The following VWA1 variants were observed in gnomAD, a reference collection of about 807,000 sequenced individuals.
VWA1 encodes von Willebrand factor A domain-containing protein 1.
In VWA1, 12 loss-of-function variants were observed where a neutral mutation model predicts 14.9. The ratio of observed to expected loss-of-function variants is 0.80; its 90% confidence interval spans 0.52 to 1.30. VWA1 has a LOEUF of 1.30. VWA1 is among the 50% of genes most tolerant of loss of function. VWA1 has a pLI of 0.00. For missense variants in VWA1, 800 were observed against 649.1 expected (o/e 1.23, Z -2.53); for synonymous variants, 368 against 310.7 (o/e 1.18, Z -1.94).
In VWA1 at chr1:1,439,645, A is replaced by T; in HGVS notation, c.1196A>T (p.Tyr399Phe). 1 of 1,325,278 alleles carries T rather than the reference A, an allele frequency of 7.5e-7. No individual in the cohort carries two copies. 82.1% of individuals were successfully genotyped at this position (1,325,278 alleles called of 1,614,324 possible). The change falls in exon 3 of 3, where the codon TAC (tyrosine) becomes TTC (phenylalanine). Residue 399 changes from tyrosine (Y) to phenylalanine (F), a missense_variant. Physicochemically the swap from Tyr to Phe is conservative, Grantham distance 22. Coordinates refer to ENST00000476993, the MANE Select transcript of VWA1 (RefSeq NM_022834.5). ...CAGGGCCTGGCGCCGGGCACCGCCT[A>T]CCTGGTGACCGTGACCGCCGCCTTC... ...TLQGLAPGTA[Y>F]LVTVTAAFRS...
In VWA1 at chr1:1,439,800, G is replaced by C. The variant is rs765052614; in HGVS notation, c.*13G>C. The stretch of plus-strand genomic sequence containing the variant: ...CCGTGAGCCGTAAGCCGGCGTCCCC[G>C]CCCAGCCGAGAGGGCCGGCGCCTAC... On this transcript the variant is annotated 3_prime_UTR_variant, in exon 3 of 3. Coordinates refer to ENST00000476993, the MANE Select transcript of VWA1 (RefSeq NM_022834.5). 10 of 1,068,878 alleles carry C rather than the reference G, an allele frequency of 9.4e-6. No individual in the cohort carries two copies. The South Asian group carries it at 3.8e-4, about 41-fold the overall frequency. 66.2% of individuals were successfully genotyped at this position (1,068,878 alleles called of 1,614,324 possible). A position where few individuals can be genotyped will look rare whatever the true frequency, so the allele number is the denominator to read the frequency against.
chr1:1,435,723 C>G lies in VWA1; in HGVS notation c.-26C>G, dbSNP rs746212210. 4.1e-5 allele frequency: 49 copies of G among 1,195,222 alleles called. No individual in the cohort carries two copies. Among genetic ancestry groups the G allele is most frequent in the South Asian group, 6.8e-5 (3 of 44,110 alleles). The allele number at this position is 1,195,222 out of a possible 1,614,324, so 74.0% of individuals were successfully genotyped here. ...GCGAGCGAGCGAGCGAGCGAGTTGC[C>G]GAGCGCGCCCCGTCCCTCGCGCGCG... is the stretch of plus-strand genomic sequence containing the variant. On this transcript the variant is annotated 5_prime_UTR_variant, in exon 1 of 3. Transcript: ENST00000476993.
rs866478991 is a variant in VWA1, at chr1:1,439,906, G to A, written c.*119G>A. ...TGCAGGCCCGGCCTTTCCCCACGCG[G>A]ACTCCGCGCGACCCCGGCCCTCTCC... On this transcript the variant is annotated 3_prime_UTR_variant, in exon 3 of 3. Coordinates refer to ENST00000476993, the MANE Select transcript of VWA1 (RefSeq NM_022834.5). 9.9e-7 allele frequency: 1 copy of A among 1,007,570 alleles called. No homozygotes were observed. Among genetic ancestry groups the A allele is most frequent in the African/African-American group, 1.7e-5 (1 of 57,404 alleles). 62.4% of individuals were successfully genotyped at this position (1,007,570 alleles called of 1,614,324 possible).
At position 1,439,359 on chromosome 1, in the gene VWA1, G is replaced by C. The variant is rs1197425052; in HGVS notation, c.910G>C (p.Gly304Arg). ...GATCCTGCGGGTGCGCACGCGGCCCGGTGAGGCAGGGCCGGGGGCTTCGGG... is the reference window on the plus strand; with the variant it reads ...GATCCTGCGGGTGCGCACGCGGCCCCGTGAGGCAGGGCCGGGGGCTTCGGG... ...PQILRVRTRP[G>R]EAGPGASGPE... Residue 304 changes from glycine to arginine, a missense_variant, in exon 3 of 3, where the codon GGT becomes CGT. Transcript: ENST00000476993. The C allele has an allele frequency of 6.5e-7, 1 of 1,540,144 alleles. No individual in the cohort carries two copies. The highest frequency in any genetic ancestry group is 1.4e-5 in the African/African-American group (1 of 72,554).
At chr1:1,438,834 G>A in intron 2 of VWA1, among the ~76,000 whole-genome samples, 1 of 152,232 alleles carries the variant, frequency 6.6e-6, no homozygotes, top group East Asian at 1.9e-4. Flanking sequence ...TTGGGGCTAA[G>A]GGAGGCAGGG....
rs867734233 is a variant in VWA1 at position 1,439,463 on chromosome 1, C to T, written c.1014C>T (p.Ile338=). ...CAGAGGAGGCCGGGCCAGAGCGCAT[C>T]GTCATCTCCCACGCCCGGCCGCGCA... is the stretch of plus-strand genomic sequence containing the variant. ...PAPEEAGPER[I]VISHARPRSL... is the part of the protein sequence containing the mutation. Residue 338 remains isoleucine, a synonymous_variant, in exon 3 of 3, where the codon ATC becomes ATT. Coordinates refer to ENST00000476993, the MANE Select transcript of VWA1 (RefSeq NM_022834.5). 9 of 1,425,030 alleles carry T rather than the reference C, an allele frequency of 6.3e-6. No individual in the cohort carries two copies. In the African/African-American group the frequency reaches 9.2e-5, roughly 15 times the overall value. The allele number at this position is 1,425,030 out of a possible 1,614,324, so 88.3% of individuals were successfully genotyped here. A position where few individuals can be genotyped will look rare whatever the true frequency, so the allele number is the denominator to read the frequency against.
intron 1 of VWA1, 127 bp from the exon 2 acceptor site, chr1:1,436,800 A>T (rs1638553670): frequency 1.0e-6 from 1 of 982,902 alleles, no homozygotes; most frequent in Middle Eastern, 3.2e-4. Context: ...TCTTTCCCCC[A>T]ACCTAGGACC....
chr1:1,437,131 CG>C lies in VWA1; in HGVS notation c.281del (p.Gly94ValfsTer49). The C allele has an allele frequency of 6.2e-7, 1 of 1,606,508 alleles. No homozygotes were observed. The highest frequency in any genetic ancestry group is 2.2e-5 in the East Asian group (1 of 44,694). The part of the protein sequence containing the change: ...YTEFPFGQHS[S>X]GEAAQDAVRA... ...GAGTTCCCCTTCGGCCAGCACAGCT[CG>C]GGTGAGGCTGCCCAGGATGCGGTGC... On this transcript the variant is annotated frameshift_variant, in exon 2 of 3. Coordinates refer to ENST00000476993, the MANE Select transcript of VWA1 (RefSeq NM_022834.5). LOFTEE classifies it high-confidence loss of function.
intron 1 of VWA1, 112 bp from the exon 2 acceptor site, chr1:1,436,815 G>T (rs1300658048): frequency 5.2e-6 from 6 of 1,147,172 alleles, no homozygotes; most frequent in Non-Finnish European, 7.4e-6. Flanking sequence ...AGGACCTTTG[G>T]GAGAAGGCAA....
chr1:1,436,759 C>G (rs768557133), intron 1 of VWA1, 168 bp from the exon 2 acceptor site: 3 of 670,590 alleles, frequency 4.5e-6, no homozygotes, highest in Non-Finnish European at 2.5e-6. Context: ...AGTGAAACCC[C>G]CAAAAGTACA....
chr1:1,439,215 G>A lies in VWA1; in HGVS notation c.766G>A (p.Ala256Thr). The change falls in exon 3 of 3, where the codon GCA (alanine) becomes ACA (threonine). Residue 256 changes from alanine (A) to threonine (T), a missense_variant. Coordinates refer to ENST00000476993, the MANE Select transcript of VWA1 (RefSeq NM_022834.5). ...GGTGCCCAGCGCCCAGCCGGGGGCT[G>A]CAAGACGCCAGCAGCTGCCAGGGAA... ...ELVPSAQPGA[A>T]RRQQLPGNAT... 1 of 1,606,974 alleles carries A rather than the reference G, an allele frequency of 6.2e-7. No homozygotes were observed. Among genetic ancestry groups the A allele is most frequent in the Admixed American group, 1.7e-5 (1 of 59,860 alleles).
chr1:1,439,952 C>T lies in VWA1; in HGVS notation c.*165C>T, dbSNP rs1638632095. On this transcript the variant is annotated 3_prime_UTR_variant, in exon 3 of 3. Coordinates refer to ENST00000476993, the MANE Select transcript of VWA1 (RefSeq NM_022834.5). ...TCTCCCTGCGGCCGCAGGGCTTCCCCGCCTGGCGCCTGCCCTCCAGGGCTG... is the reference window on the plus strand; with the variant it reads ...TCTCCCTGCGGCCGCAGGGCTTCCCTGCCTGGCGCCTGCCCTCCAGGGCTG... 8 of 829,806 alleles carry T rather than the reference C, an allele frequency of 9.6e-6. No individual in the cohort carries two copies. Among genetic ancestry groups the T allele is most frequent in the Non-Finnish European group, 1.2e-5 (8 of 676,294 alleles). The allele number at this position is 829,806 out of a possible 1,614,324, so 51.4% of individuals were successfully genotyped here. A position where few individuals can be genotyped will look rare whatever the true frequency, so the allele number is the denominator to read the frequency against.
rs1240697 is a variant in VWA1, at chr1:1,441,187, A to G, written c.*1400A>G. On this transcript the variant is annotated 3_prime_UTR_variant, in exon 3 of 3. Transcript: ENST00000476993. ...TTGAGGTGGTCTCAGTCCCTCCCTC[A>G]GGTCTGGTGGGCATTGTGCCAGGGG... The G allele has an allele frequency of 0.4, 60,434 of 152,172 alleles. 16,742 individuals carry two copies. Among genetic ancestry groups the G allele is most frequent in the East Asian group, 0.87 (4,494 of 5,170 alleles). 9.4% of individuals were successfully genotyped at this position (152,172 alleles called of 1,614,324 possible).
Position 1,439,672 on chromosome 1 carries a change from G to T in VWA1, c.1223G>T (p.Arg408Leu), listed in dbSNP as rs1240238716. The change falls in exon 3 of 3, where the codon CGC becomes CTC. Residue 408 changes from arginine (R) to leucine (L), a missense_variant. Coordinates refer to ENST00000476993, the MANE Select transcript of VWA1 (RefSeq NM_022834.5). ...CTGGTGACCGTGACCGCCGCCTTCC[G>T]CTCGGGCCGCGAGAGCGCGCTGTCC... Reference protein sequence around the residue: ...AYLVTVTAAFRSGRESALSAK... With the variant: ...AYLVTVTAAFLSGRESALSAK... The T allele has an allele frequency of 1.5e-6, 2 of 1,306,824 alleles. No individual in the cohort carries two copies. The highest frequency in any genetic ancestry group is 1.5e-5 in the South Asian group (1 of 66,410). 81.0% of individuals were successfully genotyped at this position (1,306,824 alleles called of 1,614,324 possible).
At position 1,435,819 on chromosome 1, in the gene VWA1, G is replaced by C; in HGVS notation, c.71G>C (p.Arg24Pro). ...GCGCTGGCGCGGAGCGGCGCGGAGC[G>C]CGGTGAGTGCGGCGGGCGGCCGGGC... The part of the protein sequence containing the change: ...RLALARSGAE[R>P]GPPASAPRGD... Residue 24 changes from arginine to proline, a missense_variant and splice_region_variant, in exon 1 of 3, where the codon CGC becomes CCC. Physicochemically the swap from Arg to Pro is moderately radical, Grantham distance 103 (BLOSUM62 -2). Transcript: ENST00000476993. 8.5e-7 allele frequency: 1 copy of C among 1,170,120 alleles called. No homozygotes were observed. Among genetic ancestry groups the C allele is most frequent in the Admixed American group, 4.7e-5 (1 of 21,138 alleles). 72.5% of individuals were successfully genotyped at this position (1,170,120 alleles called of 1,614,324 possible). A position where few individuals can be genotyped will look rare whatever the true frequency, so the allele number is the denominator to read the frequency against.
rs1311949096 is a variant in VWA1 at position 1,437,142 on chromosome 1, G to T, written c.289G>T (p.Ala97Ser). The T allele has an allele frequency of 6.2e-7, 1 of 1,607,076 alleles. No homozygotes were observed. Among genetic ancestry groups the T allele is most frequent in the Non-Finnish European group, 8.5e-7 (1 of 1,175,866 alleles). Residue 97 changes from alanine to serine, a missense_variant, in exon 2 of 3, where the codon GCC becomes TCC. Ala to Ser is a moderately conservative substitution (Grantham distance 99). Transcript: ENST00000476993. Reference protein sequence around the residue: ...PFGQHSSGEAAQDAVRASAQR... With the variant: ...PFGQHSSGEASQDAVRASAQR... ...CGGCCAGCACAGCTCGGGTGAGGCT[G>T]CCCAGGATGCGGTGCGTGCTTCTGC...
chr1:1,436,298 G>T (rs1638539234), intron 1 of VWA1, among the ~76,000 whole-genome samples: 1 of 152,314 alleles, frequency 6.6e-6, no homozygotes, highest in Non-Finnish European at 1.5e-5. Flanking sequence ...CCCGGAGGAA[G>T]GGGGAAGCCT....
Position 1,435,711 on chromosome 1 carries a change from C to G in VWA1, c.-38C>G. On this transcript the variant is annotated 5_prime_UTR_variant, in exon 1 of 3. Coordinates refer to ENST00000476993, the MANE Select transcript of VWA1 (RefSeq NM_022834.5). ...CTGCAGCCCCGAGCGAGCGAGCGAG[C>G]GAGCGAGTTGCCGAGCGCGCCCCGT... 2 of 1,182,698 alleles carry G rather than the reference C, an allele frequency of 1.7e-6. No homozygotes were observed. Among genetic ancestry groups the G allele is most frequent in the Non-Finnish European group, 2.1e-6 (2 of 950,602 alleles). 73.3% of individuals were successfully genotyped at this position (1,182,698 alleles called of 1,614,324 possible). A position where few individuals can be genotyped will look rare whatever the true frequency, so the allele number is the denominator to read the frequency against.
Position 1,437,490 on chromosome 1 carries a change from C to G in VWA1, c.631+6C>G, listed in dbSNP as rs372356136. On this transcript the variant is annotated splice_donor_region_variant and intron_variant, in intron 2 of 2. Coordinates refer to ENST00000476993, the MANE Select transcript of VWA1 (RefSeq NM_022834.5). ...GCTGAGGGGCTCCATTCTCGGTATG[C>G]GGGAGGAGGCAGGGCCCAGGGAGCC... 1 of 1,593,678 alleles carries G rather than the reference C, an allele frequency of 6.3e-7. No individual in the cohort carries two copies. The highest frequency in any genetic ancestry group is 8.6e-7 in the Non-Finnish European group (1 of 1,167,042).
Sources: allele counts gnomAD v4.1 joint callset (sites outside exome capture counted in the v4.1 genomes callset), GRCh38; gene constraint gnomAD v4.1.1; transcripts MANE v1.5; gene names NCBI Gene and HGNC (gene_info 2026-07-23, HGNC 2026-07-21).